Variants in HMX1 observed in about 807,000 individuals in gnomAD.
HMX1 encodes H6 family homeobox 1, also known as homeobox protein HMX1.
Under a neutral mutation model 8.9 loss-of-function variants are expected in HMX1, and 8 were observed. The ratio of observed to expected loss-of-function variants is 0.90; its 90% CI spans 0.53 to 1.63. The LOEUF (loss-of-function observed/expected upper bound fraction) is 1.63, where lower values mean the gene tolerates loss of function less well. Among genes scored for constraint, HMX1 ranks in the 40% most tolerant of loss-of-function variants. HMX1 has a pLI of 0.00. For missense variants in HMX1, 621 were observed against 558.5 expected (o/e 1.11, Z -1.13); for synonymous variants, 311 against 283.4 (o/e 1.10, Z -0.98).
chr4:8,848,700 G>A lies in HMX1; in HGVS notation c.395-2376C>T, dbSNP rs750432893. 6.6e-6 allele frequency among the ~76,000 whole-genome samples: 1 copy of A among 152,130 alleles called. No individual in the cohort carries two copies. The highest frequency in any genetic ancestry group is 1.5e-5 in the Non-Finnish European group (1 of 68,030). ...ATATGCCTTGCAAGAACACAGATCT[G>A]CAGGCCACTAGAACCAAGCAAGATG... On this transcript the variant is annotated intron_variant, in intron 1 of 1. Coordinates refer to the HMX1 transcript ENST00000506970. The surrounding 1 kb of genome is among the most constrained non-coding windows in gnomAD (Gnocchi z 4.1).
At chr4:8,858,190 T>A (rs1043945369) in intron 1 of HMX1, among the ~76,000 whole-genome samples, 1 of 151,822 alleles carries the variant, frequency 6.6e-6, no homozygotes, top group Non-Finnish European at 1.5e-5. Context: ...CCAAATCAAA[T>A]GAGCGAGGCC....
rs1721802082 is a variant in HMX1 at position 8,861,201 on chromosome 4, A to G, written c.394+10020T>C. On this transcript the variant is annotated intron_variant, in intron 1 of 1. Coordinates refer to the HMX1 transcript ENST00000506970. ...CCCTCCTCTACCTGCTGGGAAGCGC[A>G]GGCCGAGCAGGGATGAACCTGGCTC... 5.3e-5 allele frequency among the ~76,000 whole-genome samples: 8 copies of G among 152,170 alleles called. No homozygotes were observed. In the South Asian group the frequency reaches 1.7e-3, roughly 31 times the overall value.
downstream of HMX1, among the ~76,000 whole-genome samples, chr4:8,866,876 G>A (rs1003248602): frequency 6.6e-6 from 1 of 152,120 alleles, no homozygotes; most frequent in Non-Finnish European, 1.5e-5. Context: ...TGTCATAGAA[G>A]AGGGGCACAG....
exon 2 of HMX1, chr4:8,846,172 G>A (rs772947497): frequency 3.3e-6 from 4 of 1,216,142 alleles, no homozygotes; most frequent in Middle Eastern, 2.5e-4. Flanking sequence ...GCTGACAAAG[G>A]CTCCACCGTG....
chr4:8,857,670 G>A (rs995706536), intron 1 of HMX1, among the ~76,000 whole-genome samples: 1 of 152,084 alleles, frequency 6.6e-6, no homozygotes, highest in East Asian at 1.9e-4. Flanking sequence ...TCGTTCCGCC[G>A]TTCGCCCTGG....
rs575757074 is a variant in HMX1 at position 8,849,419 on chromosome 4, C to A, written c.395-3095G>T. Among the ~76,000 whole-genome samples the A allele has an allele frequency of 6.6e-6, 1 of 151,888 alleles. No homozygotes were observed. Among genetic ancestry groups the A allele is most frequent in the African/African-American group, 2.4e-5 (1 of 41,338 alleles). On this transcript the variant is annotated intron_variant, in intron 1 of 1. Transcript: ENST00000506970. The surrounding 1 kb of genome is among the most constrained non-coding windows in gnomAD (Gnocchi z 6.6). ...GAAGGCGGGCACTCAGCTGGCACCA[C>A]GTGGCCTTGAGCCACAGATTGCCAG...
chr4:8,869,510 G>A (rs1377073463), intron 1 of HMX1, among the ~76,000 whole-genome samples: 1 of 152,256 alleles, frequency 6.6e-6, no homozygotes, highest in African/African-American at 2.4e-5. Flanking sequence ...TGTATTTGCA[G>A]CATTTGCACG....
downstream of HMX1, among the ~76,000 whole-genome samples, chr4:8,863,515 C>T (rs1278295894): frequency 6.6e-6 from 1 of 152,250 alleles, no homozygotes; most frequent in Non-Finnish European, 1.5e-5. Flanking sequence ...GCACTGGGCA[C>T]CCCTCCCCTG....
chr4:8,864,331 C>T (rs185647202), downstream of HMX1, among the ~76,000 whole-genome samples: 20 of 152,292 alleles, frequency 1.3e-4, no homozygotes, highest in African/African-American at 4.3e-4. Context: ...GAGCCCGCTG[C>T]ACCCACTGGT....
At chr4:8,859,840 A>G (rs546064952) in intron 1 of HMX1, among the ~76,000 whole-genome samples, 3 of 152,310 alleles carry the variant, frequency 2.0e-5, no homozygotes, top group African/African-American at 7.2e-5. Context: ...GAAAGCTTCC[A>G]GGGGAGGCGG....
In HMX1 at chr4:8,849,201, T is replaced by G. The variant is rs975056398; in HGVS notation, c.395-2877A>C. Among the ~76,000 whole-genome samples, 1 of 152,098 alleles carries G rather than the reference T, an allele frequency of 6.6e-6. No individual in the cohort carries two copies. Among genetic ancestry groups the G allele is most frequent in the Non-Finnish European group, 1.5e-5 (1 of 68,020 alleles). On this transcript the variant is annotated intron_variant, in intron 1 of 1. Transcript: ENST00000506970. This position sits in a 1 kb window ranked among gnomAD's most constrained non-coding sequence, Gnocchi z 6.6. The stretch of plus-strand genomic sequence containing the variant: ...ATGGCAGCTGTCATGAGCTGAACTG[T>G]GTCCTCCCAAATGTGTATGGGGAGG...
At chr4:8,865,690 C>T (rs2109470252), downstream of HMX1, among the ~76,000 whole-genome samples, 1 of 151,808 alleles carries the variant, frequency 6.6e-6, no homozygotes, top group East Asian at 2.0e-4. Context: ...AGGGTTGGGA[C>T]TTTGCCTGAG....
At chr4:8,863,215 G>T (rs1451687493), downstream of HMX1, among the ~76,000 whole-genome samples, 2 of 152,214 alleles carry the variant, frequency 1.3e-5, no homozygotes, top group Admixed American at 6.5e-5. Flanking sequence ...GCGGGTGGAG[G>T]AGGGCGCCGG....
At chr4:8,857,529 G>C (rs1721648641) in intron 1 of HMX1, among the ~76,000 whole-genome samples, 1 of 152,306 alleles carries the variant, frequency 6.6e-6, no homozygotes, top group African/African-American at 2.4e-5. Context: ...GCTTCTCTCG[G>C]AAGTGACGGC....
At position 8,871,501 on chromosome 4, in the gene HMX1, G is replaced by A; in HGVS notation, c.114C>T (p.Gly38=). The A allele has an allele frequency of 7.5e-7, 1 of 1,339,020 alleles. No homozygotes were observed. Among genetic ancestry groups the A allele is most frequent in the Non-Finnish European group, 9.6e-7 (1 of 1,043,784 alleles). 82.9% of individuals were successfully genotyped at this position (1,339,020 alleles called of 1,614,324 possible). The part of the protein sequence containing the change: ...EAKGAGRATQ[G]DGSREDEEED... ...CCTCCTCGTCCTCCCGGCTGCCGTC[G>A]CCCTGGGTCGCGCGCCCTGCGCCCT... is the stretch of plus-strand genomic sequence containing the variant. The change falls in exon 1 of 2, where the codon GGC becomes GGT. Residue 38 remains glycine (G), a synonymous_variant. Transcript: ENST00000400677. This position sits in a 1 kb window ranked among gnomAD's most constrained non-coding sequence, Gnocchi z 4.8.
At chr4:8,855,616 G>A (rs746095084) in intron 1 of HMX1, among the ~76,000 whole-genome samples, 14 of 152,204 alleles carry the variant, frequency 9.2e-5, no homozygotes, top group Non-Finnish European at 1.8e-4. Context: ...ACTTAGCAAG[G>A]TCAAGGATTC....
chr4:8,864,691 C>G (rs572884767), downstream of HMX1, among the ~76,000 whole-genome samples: 26 of 152,288 alleles, frequency 1.7e-4, no homozygotes, highest in South Asian at 1.0e-3. Context: ...ACGCCAGAGC[C>G]CCACGGATAA....
rs1022026162 is a variant in HMX1 at position 8,853,593 on chromosome 4, T to C, written c.395-7269A>G. 2.6e-5 allele frequency among the ~76,000 whole-genome samples: 4 copies of C among 152,240 alleles called. No individual in the cohort carries two copies. Among genetic ancestry groups the C allele is most frequent in the Non-Finnish European group, 1.5e-5 (1 of 68,046 alleles). Reference sequence around the variant, plus strand: ...GCGGCTGGGCATGGTGGCTCACACCTGTAATCCCAGCACTTTGGCAGGCCA... The same window carrying C: ...GCGGCTGGGCATGGTGGCTCACACCCGTAATCCCAGCACTTTGGCAGGCCA... On this transcript the variant is annotated intron_variant, in intron 1 of 1. Coordinates refer to the HMX1 transcript ENST00000506970. The surrounding 1 kb of genome is among the most constrained non-coding windows in gnomAD (Gnocchi z 4.7).
At chr4:8,866,549 C>T (rs1020345344), downstream of HMX1, among the ~76,000 whole-genome samples, 2 of 152,256 alleles carry the variant, frequency 1.3e-5, no homozygotes, top group Non-Finnish European at 2.9e-5. Flanking sequence ...CAGCTTTGTC[C>T]ACCACCTGAG....
Sources: allele counts gnomAD v4.1 joint callset (sites outside exome capture counted in the v4.1 genomes callset), GRCh38; gene constraint gnomAD v4.1.1; non-coding constraint Gnocchi (gnomAD v3.1); transcripts MANE v1.5; gene names NCBI Gene and HGNC (gene_info 2026-07-23, HGNC 2026-07-21).